Variants in NAV3 observed in about 807,000 individuals in gnomAD.
The protein encoded by NAV3 is neuron navigator 3, also known as pore membrane and/or filament interacting like protein 1.
In NAV3, 87 loss-of-function variants were observed where a neutral mutation model predicts 244.7. The ratio of observed to expected loss-of-function variants is 0.36; its 90% CI spans 0.30 to 0.42. The LOEUF is 0.42. Among genes scored for constraint, NAV3 ranks in the 20% least tolerant of loss-of-function variants. The pLI, the probability that NAV3 is intolerant of heterozygous loss-of-function variation, is 1.00. For synonymous variants in NAV3, 1,126 were observed against 1,042.2 expected, an observed-to-expected ratio of 1.08 and a Z score of -1.55; for missense variants, 2,663 against 2,893.3, an observed-to-expected ratio of 0.92 and a Z score of 1.83.
At chr12:78,120,066 T>C in intron 15 of NAV3, 121 bp downstream of exon 15, 1 of 571,978 alleles carries the variant, frequency 1.7e-6, no homozygotes, top group Non-Finnish European at 2.6e-6. Flanking sequence ...ATATATATCT[T>C]AGAATTCTTT....
chr12:77,637,493 A>G (rs1175982424), intron 2 of NAV3, among the ~76,000 whole-genome samples: 6 of 152,168 alleles, frequency 3.9e-5, no homozygotes, highest in African/African-American at 1.4e-4. Context: ...TTTATCATAT[A>G]GATATATAAG....
chr12:77,648,576 A>C (rs1476223820), intron 2 of NAV3, among the ~76,000 whole-genome samples: 1 of 152,136 alleles, frequency 6.6e-6, no homozygotes, highest in Non-Finnish European at 1.5e-5. Flanking sequence ...ACTCAGTGGA[A>C]GAGCTATCCT....
At chr12:77,816,857 T>C (rs11106831) in intron 2 of NAV3, among the ~76,000 whole-genome samples, 3,316 of 152,302 alleles carry the variant, frequency 0.022, 122 homozygotes, top group African/African-American at 0.076. Flanking sequence ...ATCCTTGTGA[T>C]TCCTAAACTA....
intron 2 of NAV3, among the ~76,000 whole-genome samples, chr12:77,722,135 A>T (rs1876664065): frequency 6.6e-6 from 1 of 152,056 alleles, no homozygotes; most frequent in Non-Finnish European, 1.5e-5. Context: ...CTTTTACTTG[A>T]TGCATATTTT....
chr12:78,003,540 G>A (rs554508317), intron 7 of NAV3, among the ~76,000 whole-genome samples: 17 of 152,302 alleles, frequency 1.1e-4, no homozygotes, highest in African/African-American at 4.1e-4. Context: ...ACTATTCAGT[G>A]AGGAAAAAGA....
intron 3 of NAV3, among the ~76,000 whole-genome samples, chr12:77,959,317 G>C (rs1185018328): frequency 2.0e-5 from 3 of 151,970 alleles, no homozygotes; most frequent in African/African-American, 7.3e-5. Context: ...GTGTAGTAGA[G>C]TTTAAGAAAT....
chr12:78,119,587 A>C lies in NAV3; in HGVS notation c.3391A>C (p.Thr1131Pro), dbSNP rs1343318334. ...DDVVLHVSSKTTLQYRSLPRP... is the reference protein window; with the variant it reads ...DDVVLHVSSKPTLQYRSLPRP... The stretch of plus-strand genomic sequence containing the variant: ...TGTTGTGCTGCATGTTAGCTCAAAG[A>C]CTACCCTACAATATCGCAGCTTGCC... Residue 1131 changes from threonine (T) to proline (P), a missense_variant, in exon 15 of 40, where the codon ACT (threonine) becomes CCT (proline). By Grantham distance (38) the Thr-to-Pro change is conservative. Coordinates refer to ENST00000397909, the MANE Select transcript of NAV3 (RefSeq NM_001024383.2). 6.2e-7 allele frequency: 1 copy of C among 1,614,142 alleles called. No individual in the cohort carries two copies. The highest frequency in any genetic ancestry group is 1.7e-5 in the Admixed American group (1 of 60,016).
At chr12:78,180,825 A>C (rs1314168722) in intron 29 of NAV3, 46 bp from the exon 30 acceptor site, 13 of 1,522,610 alleles carry the variant, frequency 8.5e-6, no homozygotes, top group South Asian at 2.4e-5. Context: ...CTATTTTCTC[A>C]ATCAAACCAA....
intron 24 of NAV3, among the ~76,000 whole-genome samples, chr12:78,170,799 G>A (rs1957969414): frequency 6.6e-6 from 1 of 151,558 alleles, no homozygotes; most frequent in African/African-American, 2.4e-5. Flanking sequence ...AAGACTTTTC[G>A]AGACACTGCA....
At chr12:77,722,646 T>C (rs552804327) in intron 2 of NAV3, among the ~76,000 whole-genome samples, 4 of 152,186 alleles carry the variant, frequency 2.6e-5, no homozygotes, top group African/African-American at 9.6e-5. Flanking sequence ...ATATGGGTTG[T>C]TAAGTTCTTT....
At chr12:77,934,754 G>A (rs530480827) in intron 1 of NAV3, among the ~76,000 whole-genome samples, 5 of 152,282 alleles carry the variant, frequency 3.3e-5, no homozygotes, top group Admixed American at 6.5e-5. Flanking sequence ...ACTTTACAAA[G>A]CCAGTAATTT....
chr12:77,937,451 A>G (rs556233603), intron 1 of NAV3, among the ~76,000 whole-genome samples: 1 of 152,194 alleles, frequency 6.6e-6, no homozygotes, highest in Non-Finnish European at 1.5e-5. Flanking sequence ...TGGAGAATGA[A>G]AGTATTCTTA....
chr12:78,170,243 T>C (rs916032072), intron 24 of NAV3, among the ~76,000 whole-genome samples: 2 of 151,718 alleles, frequency 1.3e-5, no homozygotes, highest in Non-Finnish European at 2.9e-5. Flanking sequence ...CCTTCAGTGC[T>C]CTTTGCCTCA....
chr12:78,039,857 T>C (rs1024238820), intron 9 of NAV3, among the ~76,000 whole-genome samples: 1 of 152,014 alleles, frequency 6.6e-6, no homozygotes. Flanking sequence ...GATTTCAGAA[T>C]ATACCATTCT....
At chr12:77,718,540 A>G (rs1876466450) in intron 2 of NAV3, among the ~76,000 whole-genome samples, 1 of 151,914 alleles carries the variant, frequency 6.6e-6, no homozygotes, top group Admixed American at 6.6e-5. Context: ...CTTGCTCTAT[A>G]TTGTTTTGGC....
intron 1 of NAV3, among the ~76,000 whole-genome samples, chr12:77,874,035 G>A (rs1881478643): frequency 6.6e-6 from 1 of 151,522 alleles, no homozygotes; most frequent in African/African-American, 2.4e-5. Context: ...TGTGAACTGC[G>A]ATGTGAGGGA....
At chr12:77,593,285 TG>T in intron 2 of NAV3, among the ~76,000 whole-genome samples, 1 of 21,074 alleles carries the variant, frequency 4.7e-5, no homozygotes, top group Non-Finnish European at 1.2e-4. Context: ...TGTGTCTGTG[TG>T]TGTGTGTGTG....
intron 2 of NAV3, among the ~76,000 whole-genome samples, chr12:77,635,271 G>A (rs1157238483): frequency 6.6e-6 from 1 of 151,988 alleles, no homozygotes; most frequent in Non-Finnish European, 1.5e-5. Flanking sequence ...TATTGCCTAG[G>A]TTGGCCTCAT....
At chr12:77,998,518 G>C (rs759438743) in intron 7 of NAV3, 42 bp downstream of exon 7, 1 of 1,558,310 alleles carries the variant, frequency 6.4e-7, no homozygotes. Context: ...TCCAACATGA[G>C]TCTTGTGAAT....
Sources: gnomAD v4.1 joint callset for allele counts (sites outside exome capture counted in the v4.1 genomes callset) on GRCh38, gnomAD v4.1.1 for gene constraint, MANE v1.5 for transcripts, NCBI Gene and HGNC (gene_info 2026-07-23, HGNC 2026-07-21) for gene names.